SATB2: variants seen among roughly 807,000 people sequenced by gnomAD.
SATB2 encodes SATB homeobox 2.
Under a neutral mutation model 73.4 loss-of-function variants are expected in SATB2, and 1 was observed. The observed-to-expected ratio is 0.01, with a 90% CI of 0.00 to 0.06. The LOEUF (loss-of-function observed/expected upper bound fraction) is 0.06. SATB2 is among the 10% of genes least tolerant of loss of function. The pLI, the probability that SATB2 is intolerant of heterozygous loss-of-function variation, is 1.00. For synonymous variants in SATB2, 397 were observed against 367.0 expected, an observed-to-expected ratio of 1.08 and a Z score of -0.93; for missense variants, 459 against 945.8, an observed-to-expected ratio of 0.49 and a Z score of 6.75.
At chr2:199,290,119 C>G (rs1692811822) in intron 10 of SATB2, among the ~76,000 whole-genome samples, 1 of 152,224 alleles carries the variant, frequency 6.6e-6, no homozygotes, top group African/African-American at 2.4e-5. Flanking sequence ...CAACTCTACA[C>G]TGGAGCCCCC....
At chr2:199,441,465 G>C (rs2105938435) in intron 2 of SATB2, among the ~76,000 whole-genome samples, 1 of 152,150 alleles carries the variant, frequency 6.6e-6, no homozygotes, top group Non-Finnish European at 1.5e-5. Context: ...TAAACTCCTT[G>C]ATGGCTCTCC....
intron 10 of SATB2, among the ~76,000 whole-genome samples, chr2:199,297,931 T>A (rs1168879657): frequency 2.9e-5 from 2 of 67,928 alleles, no homozygotes; most frequent in East Asian, 5.4e-4. Context: ...ATAATAACTT[T>A]TAAAAAAAGC....
At chr2:199,316,236 GA>G (rs147006230) in intron 9 of SATB2, among the ~76,000 whole-genome samples, 4,396 of 152,062 alleles carry the variant, frequency 0.029, 260 homozygotes, top group African/African-American at 0.1. Flanking sequence ...CTTCGTCACC[GA>G]ATTCTCTTTT....
chr2:199,409,101 TTAAA>T (rs974076754), intron 3 of SATB2, among the ~76,000 whole-genome samples: 5 of 152,074 alleles, frequency 3.3e-5, no homozygotes, highest in African/African-American at 1.2e-4. Flanking sequence ...AAAACAGAAA[TTAAA>T]TAATAATTAG....
chr2:199,325,292 A>T (rs971737905), intron 8 of SATB2: 1 of 152,140 alleles, frequency 6.6e-6, no homozygotes, highest in African/African-American at 2.4e-5. Flanking sequence ...TGAGTTAGAT[A>T]TTATTATTTT....
At chr2:199,384,803 G>A (rs912276216) in intron 3 of SATB2, among the ~76,000 whole-genome samples, 2 of 152,102 alleles carry the variant, frequency 1.3e-5, no homozygotes, top group African/African-American at 2.4e-5. Flanking sequence ...AGAATACTGT[G>A]CAGATTAAAT....
intron 3 of SATB2, among the ~76,000 whole-genome samples, chr2:199,395,372 C>G (rs1690267733): frequency 6.6e-6 from 1 of 152,138 alleles, no homozygotes; most frequent in African/African-American, 2.4e-5. Flanking sequence ...AAGGGCAAGT[C>G]ATTAATTTTT....
chr2:199,412,283 G>T (rs1442071952), intron 3 of SATB2, among the ~76,000 whole-genome samples: 1 of 152,174 alleles, frequency 6.6e-6, no homozygotes, highest in African/African-American at 2.4e-5. Flanking sequence ...AAGAATTCCT[G>T]GTTTTGTCTG....
chr2:199,469,910 A>G (rs1692671806), upstream of SATB2: 1 of 152,394 alleles, frequency 6.6e-6, no homozygotes, highest in South Asian at 2.1e-4. Flanking sequence ...TATTGAGGGA[A>G]GGGGAGATGT....
intron 7 of SATB2, among the ~76,000 whole-genome samples, chr2:199,340,990 C>T (rs1005056005): frequency 2.6e-5 from 4 of 152,116 alleles, no homozygotes; most frequent in Non-Finnish European, 4.4e-5. Context: ...AAGGAAGATT[C>T]GCTGTACATA....
At chr2:199,433,210 T>C in intron 3 of SATB2, 128 bp downstream of exon 3, 1 of 929,238 alleles carries the variant, frequency 1.1e-6, no homozygotes, top group Non-Finnish European at 1.6e-6. Context: ...ATTCTACTGC[T>C]CACTAGGAAA....
At chr2:199,380,605 G>A (rs1689741250) in intron 4 of SATB2, 118 bp from the exon 5 acceptor site, 43 of 1,284,994 alleles carry the variant, frequency 3.3e-5, no homozygotes, top group Non-Finnish European at 4.4e-5. Context: ...AAATGCTAAA[G>A]AATGGGGTCT....
intron 10 of SATB2, among the ~76,000 whole-genome samples, chr2:199,300,988 T>C (rs546420852): frequency 6.6e-6 from 1 of 151,948 alleles, no homozygotes; most frequent in East Asian, 1.9e-4. Flanking sequence ...AACCACCCCA[T>C]GATGAATGAA....
intron 10 of SATB2, among the ~76,000 whole-genome samples, chr2:199,292,756 T>G (rs1299134808): frequency 6.6e-6 from 1 of 152,130 alleles, no homozygotes; most frequent in Non-Finnish European, 1.5e-5. Context: ...AGTTATACAT[T>G]GGGGAGTGGG....
chr2:199,278,675 A>G (rs1692391355), intron 10 of SATB2, among the ~76,000 whole-genome samples: 1 of 152,250 alleles, frequency 6.6e-6, no homozygotes, highest in African/African-American at 2.4e-5. Context: ...AAATATTTAA[A>G]TAATTACTTA....
At chr2:199,349,607 T>C (rs1688755101) in intron 6 of SATB2, among the ~76,000 whole-genome samples, 1 of 152,238 alleles carries the variant, frequency 6.6e-6, no homozygotes, top group South Asian at 2.1e-4. Flanking sequence ...AATTAAGTGC[T>C]ACCTTCTAGT....
At chr2:199,384,672 C>T (rs1443880931) in intron 3 of SATB2, among the ~76,000 whole-genome samples, 1 of 152,148 alleles carries the variant, frequency 6.6e-6, no homozygotes, top group Non-Finnish European at 1.5e-5. Context: ...AGTTAAATTG[C>T]CTCTGTTCAC....
intron 3 of SATB2, among the ~76,000 whole-genome samples, chr2:199,397,234 C>A (rs1396030181): frequency 2.0e-5 from 3 of 152,146 alleles, no homozygotes; most frequent in Non-Finnish European, 4.4e-5. Flanking sequence ...AGCAGAGACT[C>A]CAAATCTAAT....
At chr2:199,354,210 G>A (rs896120544) in intron 6 of SATB2, among the ~76,000 whole-genome samples, 1 of 152,096 alleles carries the variant, frequency 6.6e-6, no homozygotes, top group African/African-American at 2.4e-5. Context: ...TACAAAATTA[G>A]CCAGGTGTGG....
Sources: allele counts gnomAD v4.1 joint callset (sites outside exome capture counted in the v4.1 genomes callset), GRCh38; gene constraint gnomAD v4.1.1; transcripts MANE v1.5; gene names NCBI Gene and HGNC (gene_info 2026-07-23, HGNC 2026-07-21).